Variants in DNMBP observed in about 807,000 individuals in gnomAD.
DNMBP encodes dynamin binding protein.
In DNMBP, 87 loss-of-function variants were observed where a neutral mutation model predicts 150.0. The observed-to-expected ratio is 0.58, with a 90% CI of 0.49 to 0.69. The LOEUF (loss-of-function observed/expected upper bound fraction) is 0.69. Among genes scored for constraint, DNMBP ranks in the 30% least tolerant of loss-of-function variants. DNMBP has a pLI of 0.00. For missense variants in DNMBP, 1,774 were observed against 1,949.0 expected, an observed-to-expected ratio of 0.91 and a Z score of 1.69; for synonymous variants, 711 against 750.4, an observed-to-expected ratio of 0.95 and a Z score of 0.86.
intron 4 of DNMBP, chr10:99,930,459 C>T: frequency 1.4e-6 from 1 of 702,958 alleles, no homozygotes; most frequent in Admixed American, 2.0e-5. Context: ...ATTTTCTGGA[C>T]TCCTATAACC....
chr10:99,952,139 C>T (rs994701390), intron 4 of DNMBP, among the ~76,000 whole-genome samples: 5 of 152,124 alleles, frequency 3.3e-5, no homozygotes, highest in African/African-American at 7.2e-5. Context: ...CCATGTAAGA[C>T]GTGACTTGCT....
intron 4 of DNMBP, among the ~76,000 whole-genome samples, chr10:99,927,770 T>C (rs572860332): frequency 6.6e-6 from 1 of 152,242 alleles, no homozygotes; most frequent in South Asian, 2.1e-4. Context: ...GTTGTAGAAA[T>C]GGAAATGATA....
chr10:99,967,698 T>C (rs1194519819), intron 3 of DNMBP, among the ~76,000 whole-genome samples: 1 of 150,972 alleles, frequency 6.6e-6, no homozygotes, highest in Non-Finnish European at 1.5e-5. Context: ...TGTGTGTGTG[T>C]GGGTATGTGT....
chr10:99,925,114 T>A (rs1172286610), intron 4 of DNMBP, among the ~76,000 whole-genome samples: 3 of 152,188 alleles, frequency 2.0e-5, no homozygotes, highest in Non-Finnish European at 4.4e-5. Flanking sequence ...GCAGCCTCCC[T>A]CTGACTTTCC....
intron 1 of DNMBP, among the ~76,000 whole-genome samples, chr10:100,000,236 A>T (rs931955548): frequency 6.6e-6 from 1 of 152,210 alleles, no homozygotes; most frequent in Non-Finnish European, 1.5e-5. Context: ...GGAAAGAACC[A>T]ACTAGAAAGC....
At position 99,973,080 on chromosome 10, in the gene DNMBP, CATTTATTTATTT is replaced by C. The variant is rs35399198; in HGVS notation, c.-10-958_-10-947del. Among the ~76,000 whole-genome samples the C allele has an allele frequency of 5.2e-3, 781 of 149,698 alleles. 14 individuals are homozygous for C. The highest frequency in any genetic ancestry group is 0.018 in the African/African-American group (749 of 40,812). ...TACAGGCGTGAGCCACTGCCTGCGG[CATTTATTTATTT>C]ATTTATTTATTTATTTATTTGTAGA... On this transcript the variant is annotated intron_variant, in intron 1 of 16. Transcript: ENST00000324109.
At chr10:99,930,469 C>T (rs1006693309) in intron 4 of DNMBP, 2 of 702,960 alleles carry the variant, frequency 2.8e-6, no homozygotes, top group Non-Finnish European at 2.6e-6. Context: ...CTCCTATAAC[C>T]ATCATGACCT....
intron 3 of DNMBP, among the ~76,000 whole-genome samples, chr10:99,965,250 A>G (rs2040608865): frequency 6.6e-6 from 1 of 152,192 alleles, no homozygotes; most frequent in South Asian, 2.1e-4. Context: ...ACTGAGGCTG[A>G]GAGACTTAAG....
At chr10:99,897,337 T>C (rs897492848) in intron 9 of DNMBP, among the ~76,000 whole-genome samples, 1 of 152,052 alleles carries the variant, frequency 6.6e-6, no homozygotes, top group East Asian at 1.9e-4. Flanking sequence ...GCATGGGCAG[T>C]GAAGACAGGA....
At chr10:99,976,698 C>T (rs1460141603) in intron 1 of DNMBP, among the ~76,000 whole-genome samples, 1 of 152,044 alleles carries the variant, frequency 6.6e-6, no homozygotes, top group Admixed American at 6.6e-5. Context: ...CACTGAGGCC[C>T]CTTTCTTACT....
At chr10:99,953,721 G>A (rs911785335) in intron 4 of DNMBP, among the ~76,000 whole-genome samples, 2 of 151,392 alleles carry the variant, frequency 1.3e-5, no homozygotes, top group African/African-American at 4.9e-5. Context: ...TCAGGAGGCT[G>A]AGGCATGAGA....
intron 4 of DNMBP, among the ~76,000 whole-genome samples, chr10:99,954,073 C>T (rs1249708791): frequency 6.6e-6 from 1 of 151,884 alleles, no homozygotes; most frequent in Non-Finnish European, 1.5e-5. Context: ...CACTCTGTTG[C>T]CCAAGCTGGA....
chr10:99,891,519 G>A (rs1024072071), intron 11 of DNMBP, among the ~76,000 whole-genome samples: 10 of 151,968 alleles, frequency 6.6e-5, no homozygotes, highest in Non-Finnish European at 5.9e-5. Flanking sequence ...ATCTCGGCTC[G>A]CTACAACCTA....
chr10:99,990,133 A>G (rs2040870164), intron 1 of DNMBP, among the ~76,000 whole-genome samples: 1 of 152,210 alleles, frequency 6.6e-6, no homozygotes, highest in Non-Finnish European at 1.5e-5. Flanking sequence ...TGATCACACT[A>G]TTCTTTCCCA....
At chr10:99,943,016 C>T (rs575057024) in intron 4 of DNMBP, among the ~76,000 whole-genome samples, 7 of 152,274 alleles carry the variant, frequency 4.6e-5, no homozygotes, top group African/African-American at 1.7e-4. Flanking sequence ...GGTGTGGTGG[C>T]TTACACCTGT....
intron 3 of DNMBP, among the ~76,000 whole-genome samples, chr10:99,967,022 C>T (rs1284011490): frequency 1.3e-5 from 2 of 149,014 alleles, no homozygotes; most frequent in East Asian, 3.9e-4. Flanking sequence ...ATCTCAAACT[C>T]TTGGGCTCAA....
Position 99,879,946 on chromosome 10 carries a change from A to G in DNMBP, c.4413T>C (p.His1471=). The G allele has an allele frequency of 6.2e-7, 1 of 1,614,160 alleles. No individual in the cohort carries two copies. The highest frequency in any genetic ancestry group is 8.5e-7 in the Non-Finnish European group (1 of 1,180,016). ...ATPRSYRNFR[H]PEIVGYSVPG... ...GTACGGAGTAGCCAACTATTTCTGG[A>G]TGCCTGAAGTTCCGGTAGCTCCTCG... Residue 1471 remains histidine (H), a synonymous_variant, in exon 16 of 17, where the codon CAT becomes CAC. Transcript: ENST00000324109.
chr10:99,928,561 C>T (rs1426545331), intron 4 of DNMBP, among the ~76,000 whole-genome samples: 2 of 152,112 alleles, frequency 1.3e-5, no homozygotes, highest in Non-Finnish European at 2.9e-5. Context: ...AAATAAAGCT[C>T]ACTTATGAGA....
intron 4 of DNMBP, among the ~76,000 whole-genome samples, chr10:99,945,370 G>A (rs184904315): frequency 6.6e-6 from 1 of 152,342 alleles, no homozygotes; most frequent in Non-Finnish European, 1.5e-5. Flanking sequence ...TTCTGGGAAT[G>A]AGGACAAGAG....
Sources: gnomAD v4.1 joint callset for allele counts (sites outside exome capture counted in the v4.1 genomes callset) on GRCh38, gnomAD v4.1.1 for gene constraint, MANE v1.5 for transcripts, NCBI Gene and HGNC (gene_info 2026-07-23, HGNC 2026-07-21) for gene names.